SLC14A2: variants seen among roughly 807,000 people sequenced by gnomAD.
SLC14A2 encodes solute carrier family 14 member 2, also known as urea transporter 2.
In SLC14A2, 91 loss-of-function variants were observed where a neutral mutation model predicts 104.6. That is an observed-to-expected ratio of 0.87 (90% CI 0.73 to 1.04). The LOEUF (loss-of-function observed/expected upper bound fraction) is 1.04, where lower values mean the gene tolerates loss of function less well. Ranked by LOEUF, SLC14A2 falls within the 50% of genes least tolerant of loss-of-function variation. SLC14A2 has a pLI of 0.00. For missense variants in SLC14A2, 1,189 were observed against 1,156.0 expected (o/e 1.03, Z -0.41); for synonymous variants, 476 against 466.4 (o/e 1.02, Z -0.27).
At chr18:45,604,346 C>T (rs12604591) in intron 2 of SLC14A2, among the ~76,000 whole-genome samples, 14,544 of 152,202 alleles carry the variant, frequency 0.096, 939 homozygotes, top group African/African-American at 0.18. Flanking sequence ...AGCAGCATAA[C>T]TTTGTATGGT....
intron 2 of SLC14A2, among the ~76,000 whole-genome samples, chr18:45,604,531 A>G (rs9947251): frequency 0.73 from 110,655 of 152,062 alleles, 40,463 homozygotes; most frequent in East Asian, 0.85. Flanking sequence ...AGTAACAAAC[A>G]GGTCCACATT....
intron 1 of SLC14A2, among the ~76,000 whole-genome samples, chr18:45,326,517 C>CA (rs1315192565): frequency 6.6e-6 from 1 of 152,184 alleles, no homozygotes; most frequent in Non-Finnish European, 1.5e-5. Context: ...TGCTTCTCCC[C>CA]AACTCCTCTG....
chr18:45,485,198 T>A (rs1271775722), intron 2 of SLC14A2: 1 of 152,204 alleles, frequency 6.6e-6, no homozygotes, highest in Non-Finnish European at 1.5e-5. Context: ...GATGATCACA[T>A]GATAGCCCAG....
intron 1 of SLC14A2, among the ~76,000 whole-genome samples, chr18:45,473,786 G>A (rs1219485736): frequency 6.6e-6 from 1 of 152,178 alleles, no homozygotes; most frequent in Non-Finnish European, 1.5e-5. Context: ...GGGCTGAGAT[G>A]ATGGGGTTTT....
At chr18:45,517,221 G>A (rs1290475615) in intron 2 of SLC14A2, among the ~76,000 whole-genome samples, 1 of 152,226 alleles carries the variant, frequency 6.6e-6, no homozygotes, top group Non-Finnish European at 1.5e-5. Flanking sequence ...TTAGCTTAGG[G>A]AAGGCTGCCT....
chr18:45,263,296 T>G (rs115062343), intron 1 of SLC14A2, among the ~76,000 whole-genome samples: 54 of 152,328 alleles, frequency 3.5e-4, no homozygotes, highest in Middle Eastern at 3.4e-3. Context: ...CTAAGAAATT[T>G]ACCAAGGAAG....
intron 1 of SLC14A2, among the ~76,000 whole-genome samples, chr18:45,426,100 C>A (rs1453911393): frequency 6.6e-6 from 1 of 152,182 alleles, no homozygotes; most frequent in Non-Finnish European, 1.5e-5. Flanking sequence ...CTCCTGCTCA[C>A]TCCTCCACAT....
At chr18:45,256,086 C>G (rs912478317) in intron 1 of SLC14A2, among the ~76,000 whole-genome samples, 1 of 152,170 alleles carries the variant, frequency 6.6e-6, no homozygotes, top group East Asian at 1.9e-4. Flanking sequence ...CTGGAGGTGC[C>G]GGAACAAATG....
chr18:45,423,370 A>G (rs985841466), intron 1 of SLC14A2, among the ~76,000 whole-genome samples: 1 of 152,240 alleles, frequency 6.6e-6, no homozygotes, highest in Admixed American at 6.5e-5. Flanking sequence ...GCGAGTTCAT[A>G]GTCCTGTCCT....
At chr18:45,486,882 C>T (rs2087617016) in intron 2 of SLC14A2, among the ~76,000 whole-genome samples, 1 of 152,100 alleles carries the variant, frequency 6.6e-6, no homozygotes, top group African/African-American at 2.4e-5. Context: ...GGCTTTGGAG[C>T]ATGTAGTCTA....
intron 1 of SLC14A2, among the ~76,000 whole-genome samples, chr18:45,432,229 T>A (rs907538208): frequency 6.6e-6 from 1 of 152,200 alleles, no homozygotes; most frequent in Non-Finnish European, 1.5e-5. Flanking sequence ...CCCCGTACAG[T>A]GTTCTGCATG....
At chr18:45,226,040 A>G (rs933977113) in intron 1 of SLC14A2, among the ~76,000 whole-genome samples, 2 of 152,230 alleles carry the variant, frequency 1.3e-5, no homozygotes, top group Non-Finnish European at 2.9e-5. Flanking sequence ...AAAAGAAGAC[A>G]TTTATGCAGC....
chr18:45,345,899 G>A lies in SLC14A2; in HGVS notation c.-125+132708G>A, dbSNP rs145052119. On this transcript the variant is annotated intron_variant, in intron 1 of 20. Coordinates refer to the SLC14A2 transcript ENST00000586448. ...TACTAGGTAATGCCAGCTGCTCTCC[G>A]AAATGGTGGTACCAATTTATACTCC... Among the ~76,000 whole-genome samples the A allele has an allele frequency of 3.0e-3, 460 of 152,228 alleles. 3 individuals carry two copies. Among genetic ancestry groups the A allele is most frequent in the African/African-American group, 0.01 (432 of 41,536 alleles).
At chr18:45,467,705 A>C (rs2087169594) in intron 1 of SLC14A2, among the ~76,000 whole-genome samples, 2 of 152,240 alleles carry the variant, frequency 1.3e-5, no homozygotes, top group South Asian at 4.1e-4. Flanking sequence ...GGGTGACTCC[A>C]GCATCCATTC....
intron 2 of SLC14A2, among the ~76,000 whole-genome samples, chr18:45,523,192 CCTCCAG>C (rs58690923): frequency 0.99 from 150,991 of 152,144 alleles, 74,935 homozygotes; most frequent in Middle Eastern, 1. Flanking sequence ...CAAGAAAGTT[CCTCCAG>C]CTCCAGCCCC....
Position 45,402,446 on chromosome 18 carries a change from T to C in SLC14A2, c.-124-80787T>C, listed in dbSNP as rs139601627. Among the ~76,000 whole-genome samples, 1,426 of 152,346 alleles carry C rather than the reference T, an allele frequency of 9.4e-3. 23 individuals are homozygous for C. Among genetic ancestry groups the C allele is most frequent in the South Asian group, 0.081 (393 of 4,830 alleles). Reference sequence around the variant, plus strand: ...TATTACTCTACATCTTTAATTTTCATACATTTTTATTGTTTGCCTGAAATT... The same window carrying C: ...TATTACTCTACATCTTTAATTTTCACACATTTTTATTGTTTGCCTGAAATT... On this transcript the variant is annotated intron_variant, in intron 1 of 20. Transcript: ENST00000586448.
chr18:45,549,661 C>T (rs1187852110), intron 2 of SLC14A2, among the ~76,000 whole-genome samples: 1 of 152,202 alleles, frequency 6.6e-6, no homozygotes, highest in Non-Finnish European at 1.5e-5. Context: ...CCTTGGGAGA[C>T]CAAGGGACCT....
At chr18:45,296,692 G>C (rs16978334) in intron 1 of SLC14A2, among the ~76,000 whole-genome samples, 5,614 of 152,274 alleles carry the variant, frequency 0.037, 141 homozygotes, top group Middle Eastern at 0.1. Flanking sequence ...GTAGAAGTAA[G>C]ATAGTCCCTA....
chr18:45,357,781 C>A (rs998458610), intron 1 of SLC14A2, among the ~76,000 whole-genome samples: 1 of 152,082 alleles, frequency 6.6e-6, no homozygotes, highest in African/African-American at 2.4e-5. Flanking sequence ...CTTGCAGGAA[C>A]CCTGATGAAG....
Sources: allele counts gnomAD v4.1 joint callset (sites outside exome capture counted in the v4.1 genomes callset), GRCh38; gene constraint gnomAD v4.1.1; transcripts MANE v1.5; gene names NCBI Gene and HGNC (gene_info 2026-07-23, HGNC 2026-07-21).